SATB2: variants seen among roughly 807,000 people sequenced by gnomAD.
The protein encoded by SATB2 is DNA-binding protein SATB2.
SATB2 carries 1 observed loss-of-function variant against 73.4 expected under a neutral mutation model. The observed-to-expected ratio is 0.01, with a 90% CI of 0.00 to 0.06. The LOEUF (loss-of-function observed/expected upper bound fraction) is 0.06, where lower values mean the gene tolerates loss of function less well. Among genes scored for constraint, SATB2 ranks in the 10% least tolerant of loss-of-function variants. The pLI is 1.00. For synonymous variants in SATB2, 397 were observed against 367.0 expected, an observed-to-expected ratio of 1.08 and a Z score of -0.93; for missense variants, 459 against 945.8, an observed-to-expected ratio of 0.49 and a Z score of 6.75.
chr2:199,433,037 T>A (rs756267616), intron 3 of SATB2, among the ~76,000 whole-genome samples: 1 of 152,148 alleles, frequency 6.6e-6, no homozygotes, highest in Non-Finnish European at 1.5e-5. Flanking sequence ...TTTGGATAAG[T>A]CAGGAGTTAA....
intron 6 of SATB2, among the ~76,000 whole-genome samples, chr2:199,365,178 A>T (rs1357163181): frequency 6.6e-6 from 1 of 152,012 alleles, no homozygotes; most frequent in Non-Finnish European, 1.5e-5. Context: ...ACAACTATTA[A>T]TATTGGTCTT....
intron 2 of SATB2, among the ~76,000 whole-genome samples, chr2:199,454,310 C>A (rs2105955043): frequency 6.6e-6 from 1 of 152,150 alleles, no homozygotes; most frequent in Non-Finnish European, 1.5e-5. Context: ...CTTTTCTGTC[C>A]ACAAAGGCCA....
At chr2:199,324,776 G>A (rs1156716448) in intron 8 of SATB2, among the ~76,000 whole-genome samples, 2 of 152,116 alleles carry the variant, frequency 1.3e-5, no homozygotes, top group African/African-American at 2.4e-5. Flanking sequence ...GCCCTAGAAT[G>A]CATTGCTGGT....
intron 9 of SATB2, among the ~76,000 whole-genome samples, chr2:199,323,450 G>A (rs944138734): frequency 2.0e-5 from 3 of 146,428 alleles, no homozygotes; most frequent in Middle Eastern, 3.4e-3. Flanking sequence ...GAAAGGTGCT[G>A]TTATATACAT....
chr2:199,338,847 G>A (rs904953572), intron 7 of SATB2, among the ~76,000 whole-genome samples: 2 of 150,986 alleles, frequency 1.3e-5, no homozygotes, highest in East Asian at 3.9e-4. Flanking sequence ...AACCTAGGAG[G>A]CAGAGGTTGC....
At chr2:199,276,299 A>G (rs748527016) in intron 10 of SATB2, among the ~76,000 whole-genome samples, 2 of 152,194 alleles carry the variant, frequency 1.3e-5, no homozygotes, top group Admixed American at 6.5e-5. Flanking sequence ...CAACTCTTTT[A>G]GCCATTTCTT....
intron 3 of SATB2, among the ~76,000 whole-genome samples, chr2:199,400,772 C>T (rs969123136): frequency 2.0e-5 from 3 of 152,048 alleles, no homozygotes; most frequent in Non-Finnish European, 4.4e-5. Flanking sequence ...TAACAGGCAC[C>T]GTAACTATTT....
At chr2:199,372,125 AG>A (rs1689468244) in intron 5 of SATB2, among the ~76,000 whole-genome samples, 1 of 152,210 alleles carries the variant, frequency 6.6e-6, no homozygotes, top group South Asian at 2.1e-4. Context: ...TTCCAACTAC[AG>A]AAACTTGAAA....
intron 9 of SATB2, among the ~76,000 whole-genome samples, chr2:199,310,498 C>T (rs1687567583): frequency 6.6e-6 from 1 of 151,794 alleles, no homozygotes; most frequent in Non-Finnish European, 1.5e-5. Context: ...TTATCCATAC[C>T]AGAAAATAAA....
intron 10 of SATB2, among the ~76,000 whole-genome samples, chr2:199,298,214 A>G (rs1447253227): frequency 2.6e-5 from 4 of 152,156 alleles, no homozygotes; most frequent in Non-Finnish European, 5.9e-5. Context: ...TAAACTTCAA[A>G]TAACCCCATC....
upstream of SATB2, chr2:199,460,387 C>A (rs1692449986): frequency 6.6e-6 from 1 of 152,354 alleles, no homozygotes; most frequent in Non-Finnish European, 1.5e-5. The surrounding 1 kb of genome is among the most constrained non-coding windows in gnomAD (Gnocchi z 4.0). Context: ...CCGTTTACAA[C>A]ATGGGGAAAG....
intron 9 of SATB2, among the ~76,000 whole-genome samples, chr2:199,318,163 C>T (rs1475245648): frequency 6.6e-6 from 1 of 151,880 alleles, no homozygotes; most frequent in Non-Finnish European, 1.5e-5. Flanking sequence ...GGCAGACCAC[C>T]AACTCACTTT....
At chr2:199,393,043 TG>T (rs1404381628) in intron 3 of SATB2, among the ~76,000 whole-genome samples, 2 of 152,152 alleles carry the variant, frequency 1.3e-5, no homozygotes, top group Non-Finnish European at 2.9e-5. Context: ...GCTTACTGAC[TG>T]GGGCCACTTA....
intron 10 of SATB2, among the ~76,000 whole-genome samples, chr2:199,306,836 A>G (rs1687446443): frequency 6.6e-6 from 1 of 152,218 alleles, no homozygotes; most frequent in African/African-American, 2.4e-5. Context: ...GGAGGCCCTC[A>G]ATTATAACAA....
chr2:199,462,850 G>T (rs1431285088), upstream of SATB2, among the ~76,000 whole-genome samples: 2 of 151,898 alleles, frequency 1.3e-5, no homozygotes, highest in African/African-American at 4.8e-5. This position sits in a 1 kb window ranked among gnomAD's most constrained non-coding sequence, Gnocchi z 5.9. Context: ...CACCCCAGAG[G>T]CCCGAGGGTC....
At chr2:199,395,572 CA>C (rs568530817) in intron 3 of SATB2, among the ~76,000 whole-genome samples, 1 of 148,622 alleles carries the variant, frequency 6.7e-6, no homozygotes, top group Non-Finnish European at 1.5e-5. Context: ...AGTAGACACT[CA>C]AAAAAAAATG....
At chr2:199,325,386 G>C (rs1056538718) in intron 8 of SATB2, 4 of 152,096 alleles carry the variant, frequency 2.6e-5, no homozygotes. Context: ...TGATCTGAAC[G>C]CAAGTCTTTC....
At chr2:199,436,205 T>C (rs1240860292) in intron 2 of SATB2, among the ~76,000 whole-genome samples, 2 of 152,220 alleles carry the variant, frequency 1.3e-5, no homozygotes, top group East Asian at 3.8e-4. Context: ...AAGACCATAT[T>C]AATTTTTAAA....
At chr2:199,396,162 T>C (rs1442018299) in intron 3 of SATB2, 1 of 152,224 alleles carries the variant, frequency 6.6e-6, no homozygotes, top group Non-Finnish European at 1.5e-5. Flanking sequence ...ATTTGTCTTT[T>C]TGAACTTCCA....
Sources: allele counts gnomAD v4.1 joint callset (sites outside exome capture counted in the v4.1 genomes callset), GRCh38; gene constraint gnomAD v4.1.1; non-coding constraint Gnocchi (gnomAD v3.1); transcripts MANE v1.5; gene names NCBI Gene and HGNC (gene_info 2026-07-23, HGNC 2026-07-21).